Variants in B3GALT1 observed in about 807,000 individuals in gnomAD.
B3GALT1 encodes the protein UDP-Gal:betaGlcNAc beta 1,3-galactosyltransferase, polypeptide 1.
B3GALT1 carries 10 observed loss-of-function variants against 23.2 expected under a neutral mutation model. The ratio of observed to expected loss-of-function variants is 0.43; its 90% CI spans 0.27 to 0.73. The LOEUF (loss-of-function observed/expected upper bound fraction) is 0.73. Among genes scored for constraint, B3GALT1 ranks in the 30% least tolerant of loss-of-function variants. The pLI is 0.21. For missense variants in B3GALT1, 299 were observed against 405.4 expected (o/e 0.74, Z 2.25); for synonymous variants, 156 against 141.5 (o/e 1.10, Z -0.73).
intron 3 of B3GALT1, among the ~76,000 whole-genome samples, chr2:167,706,786 A>C (rs1252634243): frequency 1.3e-5 from 2 of 152,236 alleles, no homozygotes; most frequent in African/African-American, 4.8e-5. Flanking sequence ...TGTAACTTCC[A>C]AAGGTGGCTT....
intron 1 of B3GALT1, among the ~76,000 whole-genome samples, chr2:167,361,301 AACCATTG>A (rs1697496433): frequency 6.6e-6 from 1 of 150,532 alleles, no homozygotes; most frequent in Non-Finnish European, 1.5e-5. Context: ...TAAGTTTGAT[AACCATTG>A]ATCTGCATAC....
intron 1 of B3GALT1, among the ~76,000 whole-genome samples, chr2:167,478,568 G>GT (rs5836142): frequency 0.82 from 123,964 of 150,902 alleles, 51,641 homozygotes; most frequent in East Asian, 0.98. Flanking sequence ...GGTTATTATA[G>GT]TTTTTTTTTA....
intron 2 of B3GALT1, among the ~76,000 whole-genome samples, chr2:167,547,745 C>T (rs1019756261): frequency 2.0e-5 from 3 of 151,166 alleles, no homozygotes; most frequent in African/African-American, 7.3e-5. Context: ...GTGGCCAAGC[C>T]AGGACAGAAA....
chr2:167,522,788 A>G (rs1317703051), intron 2 of B3GALT1, among the ~76,000 whole-genome samples: 1 of 152,204 alleles, frequency 6.6e-6, no homozygotes, highest in Non-Finnish European at 1.5e-5. Flanking sequence ...ATTGATATTA[A>G]TATGAGATTT....
intron 3 of B3GALT1, among the ~76,000 whole-genome samples, chr2:167,806,137 A>G (rs930870453): frequency 3.1e-4 from 47 of 152,032 alleles, no homozygotes; most frequent in African/African-American, 1.1e-3. Context: ...TTTGTCTGTT[A>G]TTGGTGTATA....
At chr2:167,560,128 A>G (rs1683944245) in intron 2 of B3GALT1, among the ~76,000 whole-genome samples, 1 of 152,238 alleles carries the variant, frequency 6.6e-6, no homozygotes, top group Non-Finnish European at 1.5e-5. Flanking sequence ...TCTACAAGCC[A>G]GAAGAGAGTG....
At chr2:167,730,705 A>G (rs1285242977) in intron 3 of B3GALT1, among the ~76,000 whole-genome samples, 1 of 152,178 alleles carries the variant, frequency 6.6e-6, no homozygotes, top group African/African-American at 2.4e-5. Context: ...GGCAAATATT[A>G]TTATTATTTA....
chr2:167,638,431 T>C (rs954227972), intron 2 of B3GALT1, among the ~76,000 whole-genome samples: 1 of 152,186 alleles, frequency 6.6e-6, no homozygotes, highest in African/African-American at 2.4e-5. Flanking sequence ...GCCCTTTGGC[T>C]TTCCATAGTC....
chr2:167,812,192 T>C (rs1055372096), intron 3 of B3GALT1, among the ~76,000 whole-genome samples: 6 of 152,238 alleles, frequency 3.9e-5, no homozygotes, highest in Non-Finnish European at 5.9e-5. Context: ...TTCCATGAGC[T>C]TACAAGGCAT....
At chr2:167,777,152 A>G in intron 3 of B3GALT1, among the ~76,000 whole-genome samples, 1 of 152,170 alleles carries the variant, frequency 6.6e-6, no homozygotes, top group East Asian at 1.9e-4. Context: ...ATACAGCCCC[A>G]CTGTTTATTA....
At chr2:167,510,022 A>G (rs1034454538) in intron 2 of B3GALT1, among the ~76,000 whole-genome samples, 11 of 152,208 alleles carry the variant, frequency 7.2e-5, no homozygotes, top group African/African-American at 2.7e-4. Flanking sequence ...TTTGAAATCC[A>G]GTAGTGCTGA....
In B3GALT1 at chr2:167,444,093, G is replaced by A. The variant is rs534640171; in HGVS notation, c.-510-46084G>A. Among the ~76,000 whole-genome samples the A allele has an allele frequency of 5.9e-5, 9 of 152,234 alleles. No homozygotes were observed. The South Asian group carries it at 1.9e-3, about 32-fold the overall frequency. ...TTAGCATGAAGGGCTGTTGAATTTT[G>A]TCAAAGGCCTTTTCTGCATCTATTG... On this transcript the variant is annotated intron_variant, in intron 1 of 4. Coordinates refer to ENST00000392690, the MANE Select transcript of B3GALT1 (RefSeq NM_020981.4).
intron 3 of B3GALT1, among the ~76,000 whole-genome samples, chr2:167,800,852 G>T (rs930298169): frequency 6.6e-6 from 1 of 152,130 alleles, no homozygotes; most frequent in Non-Finnish European, 1.5e-5. Context: ...TCACGTCTTC[G>T]CCTAGAAGTC....
intron 3 of B3GALT1, among the ~76,000 whole-genome samples, chr2:167,734,679 T>C (rs534762328): frequency 7.2e-5 from 11 of 152,320 alleles, no homozygotes; most frequent in Middle Eastern, 3.4e-3. Flanking sequence ...TGAAAGTTTC[T>C]CTTGTAAAAT....
At chr2:167,752,915 T>G (rs1421881964) in intron 3 of B3GALT1, among the ~76,000 whole-genome samples, 7 of 152,196 alleles carry the variant, frequency 4.6e-5, no homozygotes, top group Non-Finnish European at 1.0e-4. Context: ...GCTGAGTGCA[T>G]GCAGCACTCA....
Position 167,864,880 on chromosome 2 carries a change from C to T in B3GALT1, c.-229-3931C>T, listed in dbSNP as rs1488662758. Among the ~76,000 whole-genome samples, 4 of 151,878 alleles carry T rather than the reference C, an allele frequency of 2.6e-5. No homozygotes were observed. In the East Asian group the frequency reaches 7.7e-4, roughly 29 times the overall value. On this transcript the variant is annotated intron_variant, in intron 4 of 4. Transcript: ENST00000392690. ...GCACCACACAGCACAGTGCTTCCTACAGGCCTTTTAAAATGAGAGCTACAG... is the reference window on the plus strand; with the variant it reads ...GCACCACACAGCACAGTGCTTCCTATAGGCCTTTTAAAATGAGAGCTACAG...
chr2:167,455,659 C>G (rs1302316293), intron 1 of B3GALT1, among the ~76,000 whole-genome samples: 1 of 152,002 alleles, frequency 6.6e-6, no homozygotes, highest in Admixed American at 6.6e-5. Flanking sequence ...ATTACAGGCA[C>G]ACACCACCAC....
chr2:167,441,158 C>T (rs957865842), intron 1 of B3GALT1, among the ~76,000 whole-genome samples: 1 of 152,112 alleles, frequency 6.6e-6, no homozygotes, highest in Non-Finnish European at 1.5e-5. Context: ...GCATTGCGTG[C>T]ATGACTAGTT....
chr2:167,754,496 A>C (rs1162207347), intron 3 of B3GALT1, among the ~76,000 whole-genome samples: 1 of 152,206 alleles, frequency 6.6e-6, no homozygotes, highest in Non-Finnish European at 1.5e-5. Flanking sequence ...GTTAGATACA[A>C]CCTGCAATAG....
Sources: allele counts gnomAD v4.1 joint callset (sites outside exome capture counted in the v4.1 genomes callset), GRCh38; gene constraint gnomAD v4.1.1; transcripts MANE v1.5; gene names NCBI Gene and HGNC (gene_info 2026-07-23, HGNC 2026-07-21).